Variants in GPRIN1 observed in about 807,000 individuals in gnomAD.
GPRIN1 encodes the protein G protein-regulated inducer of neurite outgrowth 1.
Under a neutral mutation model 2.8 loss-of-function variants are expected in GPRIN1, and 4 were observed. The ratio of observed to expected loss-of-function variants is 1.45; its 90% CI spans 0.71 to 3.32. The LOEUF is 3.32. Among genes scored for constraint, GPRIN1 ranks in the 30% most tolerant of loss-of-function variants. The probability of loss-of-function intolerance (pLI) is 0.01; values close to 1 mark genes in which losing one functional copy is unlikely to be tolerated. For missense variants in GPRIN1, 1,322 were observed against 1,343.4 expected, an observed-to-expected ratio of 0.98 and a Z score of 0.25; for synonymous variants, 589 against 589.9, an observed-to-expected ratio of 1.00 and a Z score of 0.02.
Position 176,606,435 on chromosome 5 carries a change from C to T in GPRIN1, c.-44+3564G>A, listed in dbSNP as rs373388427. ...AAATCAGTTTTAAAAAGGAATTAAC[C>T]GATCAACTTCTAAACATTAGAAGAT... On this transcript the variant is annotated intron_variant, in intron 1 of 1. Coordinates refer to ENST00000303991, the MANE Select transcript of GPRIN1 (RefSeq NM_052899.3). Among the ~76,000 whole-genome samples, 37 of 152,170 alleles carry T rather than the reference C, an allele frequency of 2.4e-4. 2 individuals carry two copies. Among genetic ancestry groups the T allele is most frequent in the African/African-American group, 2.2e-4 (9 of 41,442 alleles).
rs1759045536 is a variant in GPRIN1 at position 176,596,920 on chromosome 5, CG to C, written c.2914del (p.Arg972AlafsTer113). On this transcript the variant is annotated frameshift_variant, in exon 2 of 2. Coordinates refer to ENST00000303991, the MANE Select transcript of GPRIN1 (RefSeq NM_052899.3). LOFTEE classifies it high-confidence loss of function. This position sits in a 1 kb window ranked among gnomAD's most constrained non-coding sequence, Gnocchi z 5.2. ...GGCGGCGCCATCTGGGGGCGCGGTG[CG>C]CACCGAGCCCGAACGGCCGGGGCCG... is the stretch of plus-strand genomic sequence containing the variant. ...RAGPGRSGSV[R>X]TAPPDGAAKR... 1 of 1,213,838 alleles carries C rather than the reference CG, an allele frequency of 8.2e-7. No individual in the cohort carries two copies. Among genetic ancestry groups the C allele is most frequent in the Non-Finnish European group, 1.0e-6 (1 of 977,400 alleles). The allele number at this position is 1,213,838 out of a possible 1,614,324, so 75.2% of individuals were successfully genotyped here.
Position 176,597,336 on chromosome 5 carries a change from G to C in GPRIN1, c.2499C>G (p.Asp833Glu). 8.0e-7 allele frequency: 1 copy of C among 1,246,988 alleles called. No homozygotes were observed. The highest frequency in any genetic ancestry group is 3.3e-5 in the East Asian group (1 of 30,744). 77.2% of individuals were successfully genotyped at this position (1,246,988 alleles called of 1,614,324 possible). A position where few individuals can be genotyped will look rare whatever the true frequency, so the allele number is the denominator to read the frequency against. ...SVAVSPMSPQ[D>E]GAGGSAFSFQ... is the part of the protein sequence containing the mutation. ...AGCTGAAGGCCGAGCCCCCAGCGCC[G>C]TCCTGCGGAGACATGGGGCTCACGG... Residue 833 changes from aspartate to glutamate, a missense_variant, in exon 2 of 2, where the codon GAC (aspartate) becomes GAG (glutamate). Around this residue, in one of 3 missense-constraint regions of GPRIN1, gnomAD observed 1,117 missense variants for 1,128.6 expected, o/e 0.99. Transcript: ENST00000303991. This position sits in a 1 kb window ranked among gnomAD's most constrained non-coding sequence, Gnocchi z 6.1.
chr5:176,604,181 T>A (rs914892799), intron 1 of GPRIN1, among the ~76,000 whole-genome samples: 20 of 152,162 alleles, frequency 1.3e-4, no homozygotes, highest in African/African-American at 4.6e-4. Flanking sequence ...GTATTTCAAA[T>A]AATGGATGCT....
Position 176,599,098 on chromosome 5 carries a change from G to A in GPRIN1, c.737C>T (p.Ser246Leu). 6.2e-7 allele frequency: 1 copy of A among 1,614,118 alleles called. No individual in the cohort carries two copies. ...TGGGAATACAGGGTCCACTTTGTCT[G>A]AGGACACAGGATCCACCTTTCTCAA... Reference protein sequence around the residue: ...GSLRKVDPVSSDKVDPVFPRK... With the variant: ...GSLRKVDPVSLDKVDPVFPRK... The change falls in exon 2 of 2, where the codon TCA (serine) becomes TTA (leucine). Residue 246 changes from serine (S) to leucine (L), a missense_variant. Physicochemically the swap from Ser to Leu is moderately radical, Grantham distance 145 (BLOSUM62 -2). Coordinates refer to ENST00000303991, the MANE Select transcript of GPRIN1 (RefSeq NM_052899.3).
intron 1 of GPRIN1, among the ~76,000 whole-genome samples, chr5:176,604,728 T>C (rs1378872363): frequency 6.6e-6 from 1 of 152,134 alleles, no homozygotes; most frequent in Admixed American, 6.5e-5. Flanking sequence ...TCTGGATATC[T>C]GTATTTTATT....
chr5:176,604,494 T>C (rs1045327170), intron 1 of GPRIN1, among the ~76,000 whole-genome samples: 1 of 152,038 alleles, frequency 6.6e-6, no homozygotes, highest in Admixed American at 6.6e-5. Context: ...CAAGTGATCC[T>C]CCCACCCCAG....
chr5:176,597,720 TG>T lies in GPRIN1; in HGVS notation c.2114del (p.Pro705HisfsTer9). The T allele has an allele frequency of 6.3e-7, 1 of 1,597,694 alleles. No homozygotes were observed. Among genetic ancestry groups the T allele is most frequent in the Non-Finnish European group, 8.5e-7 (1 of 1,171,928 alleles). ...TCAGGGGGACCACCTTCCCCAAGGA[TG>T]GGGACTCCGTTTTTCTGGAAGGTGC... ...DSAPSRKTES[P>X]SLGKVVPLSL... On this transcript the variant is annotated frameshift_variant, in exon 2 of 2. Transcript: ENST00000303991. LOFTEE classifies it low-confidence loss of function (END_TRUNC). This position sits in a 1 kb window ranked among gnomAD's most constrained non-coding sequence, Gnocchi z 6.1.
At position 176,596,361 on chromosome 5, in the gene GPRIN1, C is replaced by G. The variant is rs1759033834; in HGVS notation, c.*447G>C. 1 of 152,870 alleles carries G rather than the reference C, an allele frequency of 6.5e-6. No homozygotes were observed. The highest frequency in any genetic ancestry group is 3.1e-3 in the Middle Eastern group (1 of 318). The allele number at this position is 152,870 out of a possible 1,614,324, so 9.5% of individuals were successfully genotyped here. A position where few individuals can be genotyped will look rare whatever the true frequency, so the allele number is the denominator to read the frequency against. ...CGTGCCCACTCGCGGGTCTCACACACCGATCCTCACCCACTTGAAGCTTCT... is the reference window on the plus strand; with the variant it reads ...CGTGCCCACTCGCGGGTCTCACACAGCGATCCTCACCCACTTGAAGCTTCT... On this transcript the variant is annotated 3_prime_UTR_variant, in exon 2 of 2. Transcript: ENST00000303991. The surrounding 1 kb of genome is among the most constrained non-coding windows in gnomAD (Gnocchi z 5.2).
At position 176,597,642 on chromosome 5, in the gene GPRIN1, G is replaced by C. The variant is rs774887128; in HGVS notation, c.2193C>G (p.Ala731=). 19 of 1,600,334 alleles carry C rather than the reference G, an allele frequency of 1.2e-5. No homozygotes were observed. In the Admixed American group the frequency reaches 3.1e-4, roughly 26 times the overall value. ...CCTCGGGAGACCGGGCTGAGCCGAG[G>C]GCTTTGCGGTCTAACTGCCTGGAGG... ...SSSSRQLDRK[A]LGSARSPEGA... Residue 731 remains alanine (A), a synonymous_variant, in exon 2 of 2, where the codon GCC becomes GCG. Coordinates refer to ENST00000303991, the MANE Select transcript of GPRIN1 (RefSeq NM_052899.3). The surrounding 1 kb of genome is among the most constrained non-coding windows in gnomAD (Gnocchi z 6.1).
rs578209349 is a variant in GPRIN1, at chr5:176,598,019, C to T, written c.1816G>A (p.Val606Met). The T allele has an allele frequency of 4.3e-6, 7 of 1,614,108 alleles. No homozygotes were observed. The Admixed American group carries it at 1.2e-4, about 27-fold the overall frequency. The stretch of plus-strand genomic sequence containing the variant: ...CCCTTCTCTAGAGGCAGAGAACCCA[C>T]TTTTCCCTCTGGGATAGCTTCTGCT... Reference protein sequence around the residue: ...GKAEAIPEGKVGSLPLEKGSP... With the variant: ...GKAEAIPEGKMGSLPLEKGSP... The change falls in exon 2 of 2, where the codon GTG becomes ATG. Residue 606 changes from valine (V) to methionine (M), a missense_variant. Around this residue, in one of 3 missense-constraint regions of GPRIN1, gnomAD observed 1,117 missense variants for 1,128.6 expected, o/e 0.99. Transcript: ENST00000303991.
At chr5:176,607,405 A>G (rs957365976) in intron 1 of GPRIN1, among the ~76,000 whole-genome samples, 5 of 152,162 alleles carry the variant, frequency 3.3e-5, no homozygotes, top group African/African-American at 1.2e-4. Context: ...GTGCAGTGGC[A>G]TGATCTCGGC....
In GPRIN1 at chr5:176,608,461, G is replaced by A. The variant is rs552854288; in HGVS notation, c.-44+1538C>T. 2.6e-5 allele frequency among the ~76,000 whole-genome samples: 4 copies of A among 152,186 alleles called. No individual in the cohort carries two copies. In the East Asian group the frequency reaches 7.7e-4, roughly 29 times the overall value. The stretch of plus-strand genomic sequence containing the variant: ...AGAAATGTCTGCTAGGTATGTAGGC[G>A]GGCTCACCTGGCATGCAAAGGAGTG... On this transcript the variant is annotated intron_variant, in intron 1 of 1. Transcript: ENST00000303991.
In GPRIN1 at chr5:176,602,720, C is replaced by T. The variant is rs948066056; in HGVS notation, c.-43-2843G>A. Among the ~76,000 whole-genome samples, 9 of 152,238 alleles carry T rather than the reference C, an allele frequency of 5.9e-5. No homozygotes were observed. The East Asian group carries it at 1.7e-3, about 29-fold the overall frequency. On this transcript the variant is annotated intron_variant, in intron 1 of 1. Coordinates refer to ENST00000303991, the MANE Select transcript of GPRIN1 (RefSeq NM_052899.3). The surrounding 1 kb of genome is among the most constrained non-coding windows in gnomAD (Gnocchi z 4.4). The stretch of plus-strand genomic sequence containing the variant: ...GGGTCCTGAAGATGGTCCTGGGGTA[C>T]ACAAGGGCATGGCTAGTGATGAGAA...
intron 1 of GPRIN1, among the ~76,000 whole-genome samples, chr5:176,608,733 C>T (rs1287048002): frequency 6.6e-6 from 1 of 152,180 alleles, no homozygotes; most frequent in Admixed American, 6.5e-5. Context: ...CCTGTGGCTG[C>T]CCATTCAGGC....
At position 176,598,311 on chromosome 5, in the gene GPRIN1, T is replaced by C. The variant is rs765772769; in HGVS notation, c.1524A>G (p.Ala508=). Residue 508 remains alanine, a synonymous_variant, in exon 2 of 2, where the codon GCA becomes GCG. Coordinates refer to ENST00000303991, the MANE Select transcript of GPRIN1 (RefSeq NM_052899.3). The part of the protein sequence containing the change: ...RSLGTAGPPS[A]VKAEPATGGK... ...CCCCCGTCGCTGGCTCAGCCTTTAC[T>C]GCAGATGGGGGACCTGCTGTCCCCA... 8.1e-6 allele frequency: 13 copies of C among 1,613,802 alleles called. No homozygotes were observed. Among genetic ancestry groups the C allele is most frequent in the Non-Finnish European group, 1.1e-5 (13 of 1,179,822 alleles).
rs35368228 is a variant in GPRIN1, at chr5:176,607,903, C to CTTTTTTTTTTTTT, written c.-44+2083_-44+2095dup. On this transcript the variant is annotated intron_variant, in intron 1 of 1. Coordinates refer to ENST00000303991, the MANE Select transcript of GPRIN1 (RefSeq NM_052899.3). The stretch of plus-strand genomic sequence containing the variant: ...AGATCGTGGACACTGACACTTGGCT[C>CTTTTTTTTTTTTT]TTTTTTTTTTTTTTTTTTTTTTTTT... Among the ~76,000 whole-genome samples, 4 of 67,380 alleles carry CTTTTTTTTTTTTT rather than the reference C, an allele frequency of 5.9e-5. 1 individual carries two copies. The highest frequency in any genetic ancestry group is 1.0e-4 in the Non-Finnish European group (4 of 38,280). The allele number at this position is 67,380 out of a possible 152,430, so 44.2% of individuals were successfully genotyped here. A position where few individuals can be genotyped will look rare whatever the true frequency, so the allele number is the denominator to read the frequency against.
At position 176,597,013 on chromosome 5, in the gene GPRIN1, T is replaced by A; in HGVS notation, c.2822A>T (p.His941Leu). ...GTGCTCCTCGATCTGTCGCTCCAGA[T>A]GCTTCTGGATGGCCATGCCCAGCAC... ...VEVLGMAIQK[H>L]LERQIEEHGR... Residue 941 changes from histidine (H) to leucine (L), a missense_variant, in exon 2 of 2, where the codon CAT becomes CTT. Transcript: ENST00000303991. This position sits in a 1 kb window ranked among gnomAD's most constrained non-coding sequence, Gnocchi z 6.1. 6.8e-7 allele frequency: 1 copy of A among 1,465,646 alleles called. No individual in the cohort carries two copies. The highest frequency in any genetic ancestry group is 1.4e-5 in the South Asian group (1 of 72,752). 90.8% of individuals were successfully genotyped at this position (1,465,646 alleles called of 1,614,324 possible).
In GPRIN1 at chr5:176,599,503, T is replaced by C; in HGVS notation, c.332A>G (p.Glu111Gly). The C allele has an allele frequency of 6.2e-7, 1 of 1,610,162 alleles. No individual in the cohort carries two copies. The highest frequency in any genetic ancestry group is 8.5e-7 in the Non-Finnish European group (1 of 1,177,688). Reference protein sequence around the residue: ...PQESPSKETLEAHGASISGTP... With the variant: ...PQESPSKETLGAHGASISGTP... Reference sequence around the variant, plus strand: ...CCCTGAGATGGAGGCTCCATGTGCCTCCAATGTCTCCTTGGAGGGTGACTC... The same window carrying C: ...CCCTGAGATGGAGGCTCCATGTGCCCCCAATGTCTCCTTGGAGGGTGACTC... The change falls in exon 2 of 2, where the codon GAG becomes GGG. Residue 111 changes from glutamate to glycine, a missense_variant. By Grantham distance (98) the Glu-to-Gly change is moderately conservative (BLOSUM62 -2). This residue lies in a region of GPRIN1 where 1,117 missense variants were observed against 1,128.6 expected (regional missense o/e 0.99). Coordinates refer to ENST00000303991, the MANE Select transcript of GPRIN1 (RefSeq NM_052899.3).
chr5:176,598,742 GCA>G lies in GPRIN1; in HGVS notation c.1091_1092del (p.Val364AlafsTer108). On this transcript the variant is annotated frameshift_variant, in exon 2 of 2. Transcript: ENST00000303991. LOFTEE classifies it low-confidence loss of function (END_TRUNC). The part of the protein sequence containing the change: ...DPASVGNVET[V>X]PATKEDSRFL... ...AACCGGGAGTCCTCTTTTGTGGCAG[GCA>G]CAGTTTCTACATTTCCCACAGATGC... The G allele has an allele frequency of 6.2e-7, 1 of 1,613,682 alleles. No individual in the cohort carries two copies. The highest frequency in any genetic ancestry group is 8.5e-7 in the Non-Finnish European group (1 of 1,180,034).
Sources: allele counts gnomAD v4.1 joint callset (sites outside exome capture counted in the v4.1 genomes callset), GRCh38; gene constraint gnomAD v4.1.1; regional missense constraint gnomAD v4.1.1; non-coding constraint Gnocchi (gnomAD v3.1); transcripts MANE v1.5; gene names NCBI Gene and HGNC (gene_info 2026-07-23, HGNC 2026-07-21).